Variants in RFT1 observed in about 807,000 individuals in gnomAD.
RFT1 encodes the protein RFT1 glycolipid translocator homolog.
RFT1 carries 43 observed loss-of-function variants against 62.2 expected under a neutral mutation model. That is an observed-to-expected ratio of 0.69 (90% CI 0.54 to 0.89). The LOEUF is 0.89. Among genes scored for constraint, RFT1 ranks in the 40% least tolerant of loss-of-function variants. The pLI is 0.00. For synonymous variants in RFT1, 262 were observed against 264.6 expected (o/e 0.99, Z 0.10); for missense variants, 605 against 649.9 (o/e 0.93, Z 0.75).
rs1320408403 is a variant in RFT1 at position 53,092,144 on chromosome 3, C to T, written c.1459-74G>A. 21 of 1,571,996 alleles carry T rather than the reference C, an allele frequency of 1.3e-5. No homozygotes were observed. In the East Asian group the frequency reaches 4.8e-4, roughly 36 times the overall value. On this transcript the variant is annotated intron_variant, in intron 12 of 12. Transcript: ENST00000296292. Reference sequence around the variant, plus strand: ...TTCCTCTGGGACCAGCCAGGGAAGACAGCTGTGGTTCCAGCTTCTAAGTCA... The same window carrying T: ...TTCCTCTGGGACCAGCCAGGGAAGATAGCTGTGGTTCCAGCTTCTAAGTCA...
At chr3:53,103,023 T>G in intron 10 of RFT1, 2 of 830,954 alleles carry the variant, frequency 2.4e-6, no homozygotes, top group Non-Finnish European at 2.9e-6. Context: ...AATACACTTC[T>G]CACAGCACAA....
At chr3:53,103,108 T>A in intron 10 of RFT1, 2 of 985,420 alleles carry the variant, frequency 2.0e-6, no homozygotes, top group South Asian at 9.4e-5. Flanking sequence ...TTTGCTCTGG[T>A]ATAGAAACCT....
At chr3:53,092,978 G>A (rs1701040495) in intron 11 of RFT1, among the ~76,000 whole-genome samples, 1 of 152,202 alleles carries the variant, frequency 6.6e-6, no homozygotes, top group Non-Finnish European at 1.5e-5. Flanking sequence ...GCCCTGTGAG[G>A]AGTGCTGGGG....
At chr3:53,074,864 C>T in the RFT1 span, among the ~76,000 whole-genome samples, 1 of 152,154 alleles carries the variant, frequency 6.6e-6, no homozygotes, top group East Asian at 1.9e-4. Flanking sequence ...GAAGCAGGCA[C>T]CAAATCTGAG....
At chr3:53,124,878 G>A (rs200035135) in intron 2 of RFT1, among the ~76,000 whole-genome samples, 60 of 152,184 alleles carry the variant, frequency 3.9e-4, no homozygotes, top group African/African-American at 1.4e-3. Context: ...AGGCTCATAC[G>A]GGAGCATCGC....
chr3:53,085,380 G>T (rs1035759967), downstream of RFT1, among the ~76,000 whole-genome samples: 3 of 152,178 alleles, frequency 2.0e-5, no homozygotes, highest in African/African-American at 7.2e-5. Flanking sequence ...AGCGCCCAGG[G>T]CCCAGTGTTC....
downstream of RFT1, among the ~76,000 whole-genome samples, chr3:53,088,241 T>C (rs2581782): frequency 0.49 from 73,471 of 151,470 alleles, 19,637 homozygotes; most frequent in East Asian, 0.73. Flanking sequence ...TAAGGGGGGA[T>C]GGGGAGAGGA....
chr3:53,075,873 T>A, the RFT1 span, among the ~76,000 whole-genome samples: 1 of 152,074 alleles, frequency 6.6e-6, no homozygotes, highest in East Asian at 1.9e-4. Flanking sequence ...ATGAGCAGGG[T>A]GCTGGTGGCC....
intron 10 of RFT1, among the ~76,000 whole-genome samples, chr3:53,101,671 C>T (rs1701318802): frequency 6.6e-6 from 1 of 152,108 alleles, no homozygotes; most frequent in South Asian, 2.1e-4. Context: ...ACAGGGTGTT[C>T]ATGAAGAAAA....
chr3:53,089,676 C>A lies in RFT1; in HGVS notation c.*2227G>T, dbSNP rs1428339401. On this transcript the variant is annotated 3_prime_UTR_variant, in exon 13 of 13. Transcript: ENST00000296292. ...TGACAGCCCAGGCGGCAGGGCTAGT[C>A]CTGGGAAAACACGCAGCCACATGTA... The A allele has an allele frequency of 6.6e-6, 1 of 152,268 alleles. No homozygotes were observed. Among genetic ancestry groups the A allele is most frequent in the African/African-American group, 2.4e-5 (1 of 41,444 alleles). 9.4% of individuals were successfully genotyped at this position (152,268 alleles called of 1,614,324 possible).
chr3:53,114,691 G>C (rs1342123301), intron 6 of RFT1, among the ~76,000 whole-genome samples: 1 of 148,848 alleles, frequency 6.7e-6, no homozygotes, highest in Non-Finnish European at 1.5e-5. Flanking sequence ...TAAATAGCCA[G>C]GAATTTCCCT....
chr3:53,120,055 A>C (rs1271613449), intron 5 of RFT1, 34 bp from the exon 6 acceptor site: 1 of 1,557,906 alleles, frequency 6.4e-7, no homozygotes, highest in African/African-American at 1.4e-5. Context: ...TAATAAAGGC[A>C]TAATTAAGAT....
the RFT1 span, among the ~76,000 whole-genome samples, chr3:53,073,757 C>CA: frequency 1.3e-5 from 2 of 152,180 alleles, no homozygotes; most frequent in Non-Finnish European, 2.9e-5. Flanking sequence ...CTCTGGAGAG[C>CA]AGAGGCCCCG....
the RFT1 span, among the ~76,000 whole-genome samples, chr3:53,081,800 A>C: frequency 6.6e-6 from 1 of 152,180 alleles, no homozygotes; most frequent in Non-Finnish European, 1.5e-5. Context: ...TTATCATGCC[A>C]ATGTTTGTGC....
downstream of RFT1, among the ~76,000 whole-genome samples, chr3:53,084,197 C>T (rs1375619422): frequency 6.6e-6 from 1 of 152,232 alleles, no homozygotes; most frequent in South Asian, 2.1e-4. Flanking sequence ...CTGGCTCCTA[C>T]ATCACCAGCT....
intron 11 of RFT1, among the ~76,000 whole-genome samples, chr3:53,096,111 C>A (rs968492578): frequency 6.6e-6 from 1 of 152,180 alleles, no homozygotes; most frequent in African/African-American, 2.4e-5. Flanking sequence ...TCACTATATA[C>A]CCGTTTTCAT....
the RFT1 span, among the ~76,000 whole-genome samples, chr3:53,076,858 G>A: frequency 2.0e-5 from 3 of 151,894 alleles, no homozygotes; most frequent in East Asian, 5.8e-4. Context: ...GAAGTGGGAG[G>A]ATTGCTTGAC....
At chr3:53,092,680 A>G (rs1480917144) in intron 11 of RFT1, 62 bp from the exon 12 acceptor site, 2 of 1,562,474 alleles carry the variant, frequency 1.3e-6, no homozygotes, top group African/African-American at 2.7e-5. Context: ...GCTGCTCCCA[A>G]AACAGCGGCC....
At chr3:53,076,294 G>A in the RFT1 span, among the ~76,000 whole-genome samples, 5 of 152,212 alleles carry the variant, frequency 3.3e-5, no homozygotes, top group African/African-American at 1.2e-4. Flanking sequence ...GGAGGCAGGG[G>A]CAAACGGATA....
Sources: allele counts gnomAD v4.1 joint callset (sites outside exome capture counted in the v4.1 genomes callset), GRCh38; gene constraint gnomAD v4.1.1; transcripts MANE v1.5; gene names NCBI Gene and HGNC (gene_info 2026-07-23, HGNC 2026-07-21).